Variants in KSR2 observed in about 807,000 individuals in gnomAD.
KSR2 encodes kinase suppressor of ras 2.
In KSR2, 25 loss-of-function variants were observed where a neutral mutation model predicts 107.8. That is an observed-to-expected ratio of 0.23 (90% CI 0.17 to 0.32). The LOEUF is 0.32. Ranked by LOEUF, KSR2 falls within the 10% of genes least tolerant of loss-of-function variation. The pLI is 1.00. For missense variants in KSR2, 887 were observed against 1,268.9 expected, an observed-to-expected ratio of 0.70 and a Z score of 4.57; for synonymous variants, 480 against 507.0, an observed-to-expected ratio of 0.95 and a Z score of 0.71.
intron 5 of KSR2, among the ~76,000 whole-genome samples, chr12:117,652,980 T>C (rs1356979934): frequency 6.6e-6 from 1 of 152,120 alleles, no homozygotes; most frequent in East Asian, 1.9e-4. Flanking sequence ...ACTATTTTAG[T>C]GGGAAAGGCC....
intron 1 of KSR2, among the ~76,000 whole-genome samples, chr12:117,874,819 G>GA (rs200346782): frequency 7.2e-4 from 102 of 142,416 alleles, no homozygotes; most frequent in South Asian, 2.0e-3. Context: ...AGAAGAAGAA[G>GA]AAAAAAAAAA....
chr12:117,792,701 G>A (rs910245378), intron 3 of KSR2, among the ~76,000 whole-genome samples: 1 of 152,192 alleles, frequency 6.6e-6, no homozygotes, highest in Non-Finnish European at 1.5e-5. Context: ...TTGACTGCTG[G>A]TTGGCTGCTA....
intron 3 of KSR2, among the ~76,000 whole-genome samples, chr12:117,824,966 G>A (rs571908649): frequency 6.6e-6 from 1 of 152,124 alleles, no homozygotes; most frequent in East Asian, 1.9e-4. Flanking sequence ...GATCACTTGA[G>A]GTCAGGAGTC....
chr12:117,511,437 T>C lies in KSR2; in HGVS notation c.2219+13415A>G, dbSNP rs560095324. Among the ~76,000 whole-genome samples the C allele has an allele frequency of 2.7e-4, 41 of 152,342 alleles. 1 individual carries two copies. In the South Asian group the frequency reaches 8.5e-3, roughly 32 times the overall value. ...AAAGAATAACCAAACAAAGATTTTATGCATTCTTTAAGATGACCCAGTACA... is the reference window on the plus strand; with the variant it reads ...AAAGAATAACCAAACAAAGATTTTACGCATTCTTTAAGATGACCCAGTACA... On this transcript the variant is annotated intron_variant, in intron 14 of 19. Coordinates refer to ENST00000339824, the MANE Select transcript of KSR2 (RefSeq NM_173598.6).
At chr12:117,692,135 T>C (rs73213813) in intron 4 of KSR2, among the ~76,000 whole-genome samples, 17,427 of 151,982 alleles carry the variant, frequency 0.11, 1,239 homozygotes, top group South Asian at 0.23. Flanking sequence ...AGTTAACATA[T>C]GGCGAACGGC....
chr12:117,800,180 G>A (rs1336060090), intron 3 of KSR2, among the ~76,000 whole-genome samples: 4 of 152,314 alleles, frequency 2.6e-5, no homozygotes, highest in East Asian at 3.9e-4. Context: ...GCAGGGCCAG[G>A]AGGAAGAAGG....
intron 5 of KSR2, among the ~76,000 whole-genome samples, chr12:117,657,800 C>G (rs1321175050): frequency 1.3e-5 from 2 of 152,204 alleles, no homozygotes; most frequent in Non-Finnish European, 2.9e-5. Flanking sequence ...CTATTCAAAA[C>G]TATTTTGTGT....
intron 17 of KSR2, among the ~76,000 whole-genome samples, chr12:117,472,707 G>A (rs997039766): frequency 6.6e-6 from 1 of 152,140 alleles, no homozygotes; most frequent in Non-Finnish European, 1.5e-5. Context: ...CGGATGTCAA[G>A]TTAGATGATC....
At chr12:117,863,331 C>T (rs756008589) in intron 1 of KSR2, among the ~76,000 whole-genome samples, 9 of 152,140 alleles carry the variant, frequency 5.9e-5, no homozygotes, top group Non-Finnish European at 1.3e-4. Context: ...CCTGGACCAT[C>T]GTCCCTGCTG....
intron 1 of KSR2, among the ~76,000 whole-genome samples, chr12:117,957,613 G>A (rs1364509780): frequency 6.6e-6 from 1 of 152,164 alleles, no homozygotes; most frequent in South Asian, 2.1e-4. Context: ...TTCTCTGGGG[G>A]TGGAAAGACT....
At chr12:117,739,310 G>T (rs76995730) in intron 4 of KSR2, among the ~76,000 whole-genome samples, 1 of 152,086 alleles carries the variant, frequency 6.6e-6, no homozygotes, top group Non-Finnish European at 1.5e-5. Context: ...AGCCGAGAGC[G>T]CGCCACTGCA....
chr12:117,542,830 T>G (rs1033672461), intron 9 of KSR2, among the ~76,000 whole-genome samples: 3 of 152,242 alleles, frequency 2.0e-5, no homozygotes, highest in Non-Finnish European at 4.4e-5. Context: ...TTTCACTGTT[T>G]TATAAGTGGA....
chr12:117,541,988 C>T (rs753162125), intron 9 of KSR2, among the ~76,000 whole-genome samples: 3 of 152,052 alleles, frequency 2.0e-5, no homozygotes, highest in Non-Finnish European at 4.4e-5. Context: ...TGGGTTCAAG[C>T]GATCCTCTCA....
chr12:117,572,828 G>A (rs1878984710), intron 7 of KSR2, among the ~76,000 whole-genome samples: 1 of 152,164 alleles, frequency 6.6e-6, no homozygotes, highest in Non-Finnish European at 1.5e-5. Context: ...GGGGTAGAGA[G>A]GTTTCCAAGG....
chr12:117,645,524 C>T (rs577812759), intron 5 of KSR2, among the ~76,000 whole-genome samples: 5 of 152,264 alleles, frequency 3.3e-5, no homozygotes, highest in African/African-American at 7.2e-5. Flanking sequence ...TCACTATAGA[C>T]CCCTGAATCC....
At chr12:117,517,795 C>T (rs993623408) in intron 14 of KSR2, 1 of 454,644 alleles carries the variant, frequency 2.2e-6, no homozygotes, top group African/African-American at 2.0e-5. Context: ...GGGACGGAAT[C>T]TTCATGTGCT....
At chr12:117,793,515 G>T (rs1566017759) in intron 3 of KSR2, among the ~76,000 whole-genome samples, 2 of 102,104 alleles carry the variant, frequency 2.0e-5, no homozygotes, top group East Asian at 4.2e-4. Context: ...ACACCAATAT[G>T]CACACATACA....
At chr12:117,670,422 G>T (rs1229291117) in intron 4 of KSR2, among the ~76,000 whole-genome samples, 4 of 152,188 alleles carry the variant, frequency 2.6e-5, no homozygotes, top group Non-Finnish European at 5.9e-5. Flanking sequence ...AAGGGATGTG[G>T]TGAAGGTGGT....
intron 1 of KSR2, among the ~76,000 whole-genome samples, chr12:117,938,246 CATT>C (rs1446286833): frequency 2.0e-5 from 3 of 152,260 alleles, no homozygotes; most frequent in East Asian, 3.9e-4. Context: ...ATTTGTACAT[CATT>C]ATTTCCACAC....
Sources: gnomAD v4.1 joint callset for allele counts (sites outside exome capture counted in the v4.1 genomes callset) on GRCh38, gnomAD v4.1.1 for gene constraint, MANE v1.5 for transcripts, NCBI Gene and HGNC (gene_info 2026-07-23, HGNC 2026-07-21) for gene names.